The following TBC1D19 variants were observed in gnomAD, a reference collection of about 807,000 sequenced individuals.
TBC1D19 encodes TBC1 domain family, member 19.
A neutral mutation model predicts 89.0 loss-of-function variants in TBC1D19; 60 were observed. That is an observed-to-expected ratio of 0.67 (90% confidence interval 0.55 to 0.84). TBC1D19 has a LOEUF of 0.84. TBC1D19 is among the 40% of genes least tolerant of loss of function. The pLI is 0.00. For synonymous variants in TBC1D19, 189 were observed against 199.7 expected, an observed-to-expected ratio of 0.95 and a Z score of 0.45; for missense variants, 500 against 610.8, an observed-to-expected ratio of 0.82 and a Z score of 1.91.
the TBC1D19 span, among the ~76,000 whole-genome samples, chr4:26,776,875 T>G: frequency 6.6e-6 from 1 of 152,188 alleles, no homozygotes; most frequent in Non-Finnish European, 1.5e-5. Flanking sequence ...AGGATTTTTT[T>G]CCTTTTCATT....
upstream of TBC1D19, among the ~76,000 whole-genome samples, chr4:26,581,198 TTTC>T (rs1261772732): frequency 1.3e-5 from 2 of 152,170 alleles, no homozygotes; most frequent in Non-Finnish European, 2.9e-5. Context: ...CAGTAAGGAT[TTTC>T]TTTTTTAAAA....
At chr4:26,733,773 A>G (rs1274327909) in intron 15 of TBC1D19, among the ~76,000 whole-genome samples, 1 of 152,232 alleles carries the variant, frequency 6.6e-6, no homozygotes, top group Non-Finnish European at 1.5e-5. Context: ...TTCACCAAAG[A>G]AGAAATGTAA....
At chr4:26,820,734 G>GT in the TBC1D19 span, among the ~76,000 whole-genome samples, 2 of 152,146 alleles carry the variant, frequency 1.3e-5, no homozygotes, top group African/African-American at 2.4e-5. Context: ...TCTATATGTA[G>GT]TTTTTTTGAG....
chr4:26,711,337 A>T (rs1716173700), intron 13 of TBC1D19, among the ~76,000 whole-genome samples: 1 of 152,042 alleles, frequency 6.6e-6, no homozygotes, highest in South Asian at 2.1e-4. Context: ...TTAAAAAGTG[A>T]TTCTTGAAAA....
intron 13 of TBC1D19, among the ~76,000 whole-genome samples, chr4:26,695,824 C>T (rs1462183245): frequency 6.6e-6 from 1 of 152,110 alleles, no homozygotes. Context: ...ATTTTGTCAC[C>T]ACCAGGCCTG....
At chr4:26,580,466 A>G (rs547531682), upstream of TBC1D19, among the ~76,000 whole-genome samples, 162 of 152,310 alleles carry the variant, frequency 1.1e-3, 3 homozygotes, top group South Asian at 0.032. Flanking sequence ...TGGAATGTGA[A>G]GAGACTCTGA....
the TBC1D19 span, among the ~76,000 whole-genome samples, chr4:26,832,801 C>T: frequency 6.6e-6 from 1 of 152,084 alleles, no homozygotes; most frequent in Non-Finnish European, 1.5e-5. Context: ...AGAGACCAGC[C>T]TGGCAAACAT....
At chr4:26,746,872 G>A (rs1718678885) in intron 18 of TBC1D19, among the ~76,000 whole-genome samples, 1 of 152,140 alleles carries the variant, frequency 6.6e-6, no homozygotes, top group Admixed American at 6.5e-5. Context: ...CTTGAACACA[G>A]GCGCTGTGAT....
the TBC1D19 span, among the ~76,000 whole-genome samples, chr4:26,806,734 C>A: frequency 6.6e-6 from 1 of 152,272 alleles, no homozygotes; most frequent in East Asian, 1.9e-4. Context: ...TTAGAGTAGG[C>A]CCTAAAACCA....
chr4:26,676,573 G>A (rs1712820014), intron 11 of TBC1D19, among the ~76,000 whole-genome samples: 1 of 151,980 alleles, frequency 6.6e-6, no homozygotes, highest in Non-Finnish European at 1.5e-5. Context: ...CAAAAAATTA[G>A]CCAGGCATGG....
chr4:26,627,101 C>T (rs1742465053), intron 4 of TBC1D19, among the ~76,000 whole-genome samples: 1 of 151,772 alleles, frequency 6.6e-6, no homozygotes, highest in African/African-American at 2.4e-5. Flanking sequence ...CATGTGTTCT[C>T]ATTGTTCAAT....
intron 11 of TBC1D19, among the ~76,000 whole-genome samples, chr4:26,682,885 A>G (rs1294501304): frequency 6.6e-6 from 1 of 151,966 alleles, no homozygotes; most frequent in Non-Finnish European, 1.5e-5. Flanking sequence ...ACATTAGCCT[A>G]ATCTCATCGT....
upstream of TBC1D19, among the ~76,000 whole-genome samples, chr4:26,583,008 A>G (rs923604098): frequency 6.6e-6 from 1 of 152,200 alleles, no homozygotes; most frequent in Non-Finnish European, 1.5e-5. Flanking sequence ...CCAGAGTCCT[A>G]TTGAATTAGA....
chr4:26,585,183 T>C lies in TBC1D19; in HGVS notation c.99+891T>C. 9 of 449,436 alleles carry C rather than the reference T, an allele frequency of 2.0e-5. 1 individual carries two copies. Among genetic ancestry groups the C allele is most frequent in the South Asian group, 1.3e-4 (8 of 62,920 alleles). 27.8% of individuals were successfully genotyped at this position (449,436 alleles called of 1,614,324 possible). ...CTAGGATTGGAATTGCTGACTTGTA[T>C]GGTAAGTGTAATGTTTCATTCTATG... On this transcript the variant is annotated intron_variant, in intron 1 of 20. Coordinates refer to ENST00000264866, the MANE Select transcript of TBC1D19 (RefSeq NM_018317.4).
chr4:26,714,578 AT>A, intron 13 of TBC1D19, among the ~76,000 whole-genome samples: 1 of 152,168 alleles, frequency 6.6e-6, no homozygotes. Context: ...CAAATTCAGC[AT>A]TTTGCGGACC....
intron 1 of TBC1D19, among the ~76,000 whole-genome samples, chr4:26,592,984 G>A (rs4392499): frequency 0.36 from 54,561 of 150,802 alleles, 11,150 homozygotes; most frequent in Non-Finnish European, 0.46. Context: ...ATTGGAAAAA[G>A]CTACTTTAAA....
At chr4:26,769,602 G>A in the TBC1D19 span, among the ~76,000 whole-genome samples, 1 of 151,844 alleles carries the variant, frequency 6.6e-6, no homozygotes, top group South Asian at 2.1e-4. Context: ...GAGTGTAGTG[G>A]TGTGAACTCA....
intron 15 of TBC1D19, among the ~76,000 whole-genome samples, chr4:26,734,986 A>ATGTATATATGTATACACATATGTATATG (rs1560503862): frequency 2.0e-5 from 3 of 150,470 alleles, no homozygotes; most frequent in Non-Finnish European, 4.5e-5. Flanking sequence ...ACATATGTAT[A>ATGTATATATGTATACACATATGTATATG]TGTATATATG....
chr4:26,635,938 G>C (rs1233306756), intron 4 of TBC1D19, among the ~76,000 whole-genome samples: 1 of 152,114 alleles, frequency 6.6e-6, no homozygotes, highest in East Asian at 1.9e-4. Context: ...TAATGTATTT[G>C]AATGTGTGTG....
Sources: allele counts gnomAD v4.1 joint callset (sites outside exome capture counted in the v4.1 genomes callset), GRCh38; gene constraint gnomAD v4.1.1; transcripts MANE v1.5; gene names NCBI Gene and HGNC (gene_info 2026-07-23, HGNC 2026-07-21).